ALLC: variants seen among roughly 807,000 people sequenced by gnomAD.
The protein encoded by ALLC is probable inactive allantoicase.
ALLC carries 40 observed loss-of-function variants against 45.0 expected under a neutral mutation model. The observed-to-expected ratio is 0.89, with a 90% CI of 0.69 to 1.16. The LOEUF (loss-of-function observed/expected upper bound fraction) is 1.16, where lower values mean the gene tolerates loss of function less well. Among genes scored for constraint, ALLC ranks in the 50% most tolerant of loss-of-function variants. ALLC has a pLI of 0.00. For missense variants in ALLC, 488 were observed against 493.1 expected (o/e 0.99, Z 0.10); for synonymous variants, 176 against 178.1 (o/e 0.99, Z 0.09).
intron 7 of ALLC, among the ~76,000 whole-genome samples, chr2:3,690,531 C>T (rs1667486772): frequency 2.0e-5 from 3 of 146,672 alleles, no homozygotes; most frequent in Non-Finnish European, 4.5e-5. Context: ...TTTTAATTGA[C>T]TTTTATTTTT....
chr2:3,649,376 G>A, the ALLC span, among the ~76,000 whole-genome samples: 3 of 151,974 alleles, frequency 2.0e-5, no homozygotes, highest in African/African-American at 7.3e-5. Context: ...TGAGCAGCTG[G>A]GTCTACAGGC....
At chr2:3,647,602 C>T in the ALLC span, among the ~76,000 whole-genome samples, 6 of 151,156 alleles carry the variant, frequency 4.0e-5, no homozygotes, top group African/African-American at 1.2e-4. Context: ...CTCACCCGTC[C>T]TCTCCTGATG....
chr2:3,702,126 T>G (rs1411241320), intron 11 of ALLC, among the ~76,000 whole-genome samples: 1 of 152,196 alleles, frequency 6.6e-6, no homozygotes, highest in African/African-American at 2.4e-5. Flanking sequence ...TAGAAACAAC[T>G]GATGGGCATT....
At chr2:3,649,102 G>T in the ALLC span, among the ~76,000 whole-genome samples, 76 of 152,288 alleles carry the variant, frequency 5.0e-4, no homozygotes, top group Non-Finnish European at 7.8e-4. Context: ...ATAGGTTCTT[G>T]GAAATGGCAG....
chr2:3,696,430 AC>A, intron 9 of ALLC, 82 bp downstream of exon 9: 1 of 1,222,256 alleles, frequency 8.2e-7, no homozygotes, highest in Admixed American at 2.3e-5. Context: ...AAACTTTTGC[AC>A]ATTTTAGAAA....
chr2:3,652,623 C>G, the ALLC span, among the ~76,000 whole-genome samples: 7,410 of 131,518 alleles, frequency 0.056, 309 homozygotes, highest in East Asian at 0.23. Context: ...TGGAGTCTCG[C>G]TCGTTTAGCA....
At chr2:3,693,283 T>C (rs761963637) in intron 7 of ALLC, among the ~76,000 whole-genome samples, 2 of 152,220 alleles carry the variant, frequency 1.3e-5, no homozygotes, top group Non-Finnish European at 2.9e-5. Context: ...GAAGTGGTTC[T>C]CTGGAACCTT....
In ALLC at chr2:3,678,529, G is replaced by A. The variant is rs1400558323; in HGVS notation, c.146G>A (p.Trp49Ter). The stretch of plus-strand genomic sequence containing the variant: ...GAGTTTGGGAAATGGATGGATGGCT[G>A]GGAGACCAGGAGGAAAAGGATTCCA... ...YTEFGKWMDG[W>*]ETRRKRIPGH... Residue 49 changes from tryptophan (W) to a stop codon, truncating the protein, a stop_gained, in exon 4 of 12, where the codon TGG (tryptophan) becomes TAG (stop). Coordinates refer to ENST00000252505, the MANE Select transcript of ALLC (RefSeq NM_018436.4). LOFTEE classifies it high-confidence loss of function. 6.2e-7 allele frequency: 1 copy of A among 1,613,984 alleles called. No homozygotes were observed. The highest frequency in any genetic ancestry group is 1.1e-5 in the South Asian group (1 of 91,076).
At chr2:3,683,575 A>G (rs1667253995) in intron 7 of ALLC, among the ~76,000 whole-genome samples, 1 of 152,166 alleles carries the variant, frequency 6.6e-6, no homozygotes, top group Admixed American at 6.5e-5. Flanking sequence ...TCCCAAAGCA[A>G]CCACTAATTT....
At chr2:3,665,689 A>G (rs927455302) in intron 1 of ALLC, among the ~76,000 whole-genome samples, 11 of 152,208 alleles carry the variant, frequency 7.2e-5, no homozygotes, top group Admixed American at 7.2e-4. Context: ...TATATGTACC[A>G]CATTTTCTTT....
chr2:3,665,308 T>G (rs906179191), intron 1 of ALLC, among the ~76,000 whole-genome samples: 1 of 152,072 alleles, frequency 6.6e-6, no homozygotes, highest in African/African-American at 2.4e-5. Flanking sequence ...GTTGAAGTGT[T>G]TTTTTTTAAA....
chr2:3,666,053 A>C (rs933903102), intron 1 of ALLC, among the ~76,000 whole-genome samples: 1 of 151,986 alleles, frequency 6.6e-6, no homozygotes, highest in African/African-American at 2.4e-5. Context: ...ACACCAAAGG[A>C]AAAGATGAAA....
chr2:3,650,725 C>T, the ALLC span, among the ~76,000 whole-genome samples: 1 of 152,328 alleles, frequency 6.6e-6, no homozygotes, highest in African/African-American at 2.4e-5. Context: ...CTCCACACTA[C>T]CCCTCCCATG....
Position 3,674,105 on chromosome 2 carries a change from C to A in ALLC, c.64C>A (p.Pro22Thr). Reference protein sequence around the residue: ...ILFATDDFFAPAENLIKSDSP... With the variant: ...ILFATDDFFATAENLIKSDSP... ...ATTTGCAACAGATGACTTTTTTGCT[C>A]CTGCAGAAAACCTCATAAAGGTATT... Residue 22 changes from proline (P) to threonine (T), a missense_variant, in exon 3 of 12, where the codon CCT (proline) becomes ACT (threonine). Coordinates refer to ENST00000252505, the MANE Select transcript of ALLC (RefSeq NM_018436.4). The A allele has an allele frequency of 6.4e-7, 1 of 1,562,004 alleles. No homozygotes were observed. Among genetic ancestry groups the A allele is most frequent in the South Asian group, 1.2e-5 (1 of 84,946 alleles).
intron 11 of ALLC, among the ~76,000 whole-genome samples, chr2:3,702,073 T>C (rs1321943973): frequency 6.6e-6 from 1 of 152,126 alleles, no homozygotes; most frequent in East Asian, 1.9e-4. Context: ...AGATGGTCTC[T>C]TCCTTCATTT....
rs981452518 is a variant in ALLC, at chr2:3,680,221, C to A, written c.298+227C>A. Among the ~76,000 whole-genome samples the A allele has an allele frequency of 3.3e-5, 5 of 152,208 alleles. No individual in the cohort carries two copies. Among genetic ancestry groups the A allele is most frequent in the Admixed American group, 6.5e-5 (1 of 15,284 alleles). On this transcript the variant is annotated intron_variant, in intron 5 of 11. Transcript: ENST00000252505. The surrounding 1 kb of genome is among the most constrained non-coding windows in gnomAD (Gnocchi z 4.0). ...GTTAACAGCCAGATATAGATTTTAT[C>A]ATTCCCACGGTCCTTCAGCTTCACG...
chr2:3,652,175 A>G, the ALLC span, among the ~76,000 whole-genome samples: 2 of 152,238 alleles, frequency 1.3e-5, no homozygotes, highest in Non-Finnish European at 2.9e-5. Context: ...GCCGCCCACC[A>G]CGACCTGCAA....
chr2:3,688,691 G>T, intron 7 of ALLC: 1 of 157,162 alleles, frequency 6.4e-6, no homozygotes, highest in Non-Finnish European at 1.4e-5. Context: ...GGAGATTCTA[G>T]TGGGCTCAAC....
chr2:3,647,058 C>G, the ALLC span, among the ~76,000 whole-genome samples: 1 of 152,096 alleles, frequency 6.6e-6, no homozygotes, highest in Non-Finnish European at 1.5e-5. Flanking sequence ...ACTCCCTCAG[C>G]CCCCGCACCC....
Sources: allele counts gnomAD v4.1 joint callset (sites outside exome capture counted in the v4.1 genomes callset), GRCh38; gene constraint gnomAD v4.1.1; non-coding constraint Gnocchi (gnomAD v3.1); transcripts MANE v1.5; gene names NCBI Gene and HGNC (gene_info 2026-07-23, HGNC 2026-07-21).